MCTP1: variants seen among roughly 807,000 people sequenced by gnomAD.
MCTP1 encodes multiple C2 and transmembrane domain containing 1.
A neutral mutation model predicts 120.6 loss-of-function variants in MCTP1; 69 were observed. The ratio of observed to expected loss-of-function variants is 0.57; its 90% CI spans 0.47 to 0.70. The LOEUF (loss-of-function observed/expected upper bound fraction) is 0.70. MCTP1 is among the 30% of genes least tolerant of loss of function. MCTP1 has a pLI of 0.00. For missense variants in MCTP1, 1,203 were observed against 1,248.8 expected, an observed-to-expected ratio of 0.96 and a Z score of 0.55; for synonymous variants, 529 against 493.1, an observed-to-expected ratio of 1.07 and a Z score of -0.96.
intron 17 of MCTP1, among the ~76,000 whole-genome samples, chr5:94,851,004 A>ACTATTTCT: frequency 6.6e-6 from 1 of 152,112 alleles, no homozygotes; most frequent in Non-Finnish European, 1.5e-5. Flanking sequence ...ATATTTTTAA[A>ACTATTTCT]CTATTTCTTC....
chr5:95,015,290 T>C (rs1057049782), intron 2 of MCTP1, among the ~76,000 whole-genome samples: 11 of 152,138 alleles, frequency 7.2e-5, no homozygotes, highest in African/African-American at 2.4e-4. Context: ...CTTCGGTTAG[T>C]GGTTTTATTT....
intron 2 of MCTP1, among the ~76,000 whole-genome samples, chr5:95,003,546 G>A (rs1834117569): frequency 6.6e-6 from 1 of 152,180 alleles, no homozygotes; most frequent in South Asian, 2.1e-4. Flanking sequence ...CTAGTTTTAT[G>A]AACATGCAAC....
At chr5:95,095,105 G>A (rs1417557417) in intron 1 of MCTP1, among the ~76,000 whole-genome samples, 1 of 120,646 alleles carries the variant, frequency 8.3e-6, no homozygotes, top group Non-Finnish European at 1.6e-5. Context: ...CTCACTGCAA[G>A]CTCTGCCTCC....
At chr5:94,969,631 A>G (rs1194575956) in intron 2 of MCTP1, among the ~76,000 whole-genome samples, 1 of 152,154 alleles carries the variant, frequency 6.6e-6, no homozygotes, top group Non-Finnish European at 1.5e-5. Flanking sequence ...AAAGAAAAAA[A>G]GCAGTGAACA....
intron 1 of MCTP1, among the ~76,000 whole-genome samples, chr5:95,043,563 A>C (rs1842693481): frequency 6.6e-6 from 1 of 152,132 alleles, no homozygotes; most frequent in Non-Finnish European, 1.5e-5. Flanking sequence ...AAATATTGCA[A>C]ATCCAGGGTG....
chr5:94,964,082 AT>A (rs1420137785), intron 2 of MCTP1, among the ~76,000 whole-genome samples: 2 of 152,164 alleles, frequency 1.3e-5, no homozygotes, highest in African/African-American at 4.8e-5. Context: ...TTTGTCAAAA[AT>A]TAATTGACTA....
intron 2 of MCTP1, among the ~76,000 whole-genome samples, chr5:94,964,976 C>A (rs2153564392): frequency 6.6e-6 from 1 of 152,238 alleles, no homozygotes; most frequent in African/African-American, 2.4e-5. Flanking sequence ...AATGATTATG[C>A]ACCACCATTA....
chr5:95,024,099 T>C (rs1225671510), intron 1 of MCTP1: 5 of 449,462 alleles, frequency 1.1e-5, no homozygotes, highest in Admixed American at 4.8e-5. Context: ...GCTTTTCAAT[T>C]TGATGCAATC....
chr5:94,842,360 C>T (rs1406672606), intron 17 of MCTP1, among the ~76,000 whole-genome samples: 1 of 152,098 alleles, frequency 6.6e-6, no homozygotes, highest in Non-Finnish European at 1.5e-5. Context: ...CACACACATA[C>T]TGGGTCTATA....
At chr5:95,158,572 C>G (rs185942462) in intron 1 of MCTP1, among the ~76,000 whole-genome samples, 2 of 152,178 alleles carry the variant, frequency 1.3e-5, no homozygotes, top group Admixed American at 1.3e-4. Context: ...CAACATTTTC[C>G]AAAAGGAATT....
intron 1 of MCTP1, among the ~76,000 whole-genome samples, chr5:95,264,138 G>A (rs1758696724): frequency 1.3e-5 from 2 of 152,170 alleles, no homozygotes; most frequent in African/African-American, 4.8e-5. Flanking sequence ...TCTGAAAGGA[G>A]GAAAAGAGGA....
At chr5:94,830,909 G>A (rs2153158479) in intron 17 of MCTP1, among the ~76,000 whole-genome samples, 1 of 152,260 alleles carries the variant, frequency 6.6e-6, no homozygotes, top group African/African-American at 2.4e-5. Context: ...AGTAATTGGG[G>A]CACTTTGGGT....
intron 1 of MCTP1, among the ~76,000 whole-genome samples, chr5:95,245,380 G>A (rs1249195709): frequency 3.3e-5 from 5 of 152,136 alleles, no homozygotes; most frequent in Admixed American, 1.3e-4. Context: ...AAACTTCTCC[G>A]AGCTAAAGGC....
In MCTP1 at chr5:95,284,173, C is replaced by T. The variant is rs767445771; in HGVS notation, c.403G>A (p.Gly135Arg). Reference protein sequence around the residue: ...IREHLLPAVKGPAAASGAAGG... With the variant: ...IREHLLPAVKRPAAASGAAGG... ...GCTGCTCCCGAGGCCGCCGCGGGCCCCTTTACGGCGGGGAGCAAATGCTCG... is the reference window on the plus strand; with the variant it reads ...GCTGCTCCCGAGGCCGCCGCGGGCCTCTTTACGGCGGGGAGCAAATGCTCG... The change falls in exon 1 of 23, where the codon GGG (glycine) becomes AGG (arginine). Residue 135 changes from glycine (G) to arginine (R), a missense_variant. By Grantham distance (125) the Gly-to-Arg change is moderately radical (BLOSUM62 -2). Transcript: ENST00000515393. This position sits in a 1 kb window ranked among gnomAD's most constrained non-coding sequence, Gnocchi z 5.2. 3 of 1,575,154 alleles carry T rather than the reference C, an allele frequency of 1.9e-6. No individual in the cohort carries two copies. Among genetic ancestry groups the T allele is most frequent in the African/African-American group, 2.7e-5 (2 of 73,254 alleles).
intron 10 of MCTP1, among the ~76,000 whole-genome samples, chr5:94,900,822 A>C (rs1185807396): frequency 5.3e-5 from 8 of 152,234 alleles, no homozygotes; most frequent in African/African-American, 1.9e-4. Context: ...CATTTATTGA[A>C]TGGAAATTTT....
At chr5:95,175,623 TAAAG>T (rs1317757751) in intron 1 of MCTP1, among the ~76,000 whole-genome samples, 1 of 152,232 alleles carries the variant, frequency 6.6e-6, no homozygotes, top group Admixed American at 6.5e-5. Flanking sequence ...TAAAGCATTC[TAAAG>T]GATGGCTTTG....
chr5:94,909,892 T>C (rs532983025), intron 9 of MCTP1, among the ~76,000 whole-genome samples: 1 of 152,140 alleles, frequency 6.6e-6, no homozygotes, highest in East Asian at 1.9e-4. Context: ...CGCAAGTAGC[T>C]TTTGGGTAGT....
chr5:94,891,435 C>G (rs1411423350), intron 11 of MCTP1, among the ~76,000 whole-genome samples: 1 of 152,112 alleles, frequency 6.6e-6, no homozygotes, highest in Non-Finnish European at 1.5e-5. Context: ...GGTAAGTCTT[C>G]GACCCTAATG....
chr5:94,741,627 C>T (rs781078063), intron 19 of MCTP1, among the ~76,000 whole-genome samples: 2 of 152,184 alleles, frequency 1.3e-5, no homozygotes, highest in South Asian at 2.1e-4. Context: ...TTAAAATTAA[C>T]TTGTGGTCAG....
Sources: gnomAD v4.1 joint callset for allele counts (sites outside exome capture counted in the v4.1 genomes callset) on GRCh38, gnomAD v4.1.1 for gene constraint, Gnocchi (gnomAD v3.1) non-coding constraint, MANE v1.5 for transcripts, NCBI Gene and HGNC (gene_info 2026-07-23, HGNC 2026-07-21) for gene names.